The following AKAIN1 variants were observed in gnomAD, a reference collection of about 807,000 sequenced individuals.
The protein encoded by AKAIN1 is A-kinase anchor inhibitor 1.
In AKAIN1, 3 loss-of-function variants were observed where a neutral mutation model predicts 3.7. The ratio of observed to expected loss-of-function variants is 0.82; its 90% CI spans 0.37 to 2.12. AKAIN1 has a LOEUF of 2.12. Among genes scored for constraint, AKAIN1 ranks in the 30% most tolerant of loss-of-function variants. AKAIN1 has a pLI of 0.06. For missense variants in AKAIN1, 82 were observed against 82.7 expected (o/e 0.99, Z 0.03); for synonymous variants, 31 against 30.8 (o/e 1.01, Z -0.02).
At chr18:5,164,304 C>T (rs2071155905) in intron 1 of AKAIN1, among the ~76,000 whole-genome samples, 1 of 151,974 alleles carries the variant, frequency 6.6e-6, no homozygotes, top group South Asian at 2.1e-4. Context: ...CCTTAACAGG[C>T]CAGAATTCAG....
chr18:5,161,550 G>T (rs924385458), intron 1 of AKAIN1, among the ~76,000 whole-genome samples: 2 of 151,760 alleles, frequency 1.3e-5, no homozygotes, highest in African/African-American at 4.8e-5. Context: ...TTTCTATGCT[G>T]GTTGGAGCCT....
At chr18:5,196,920 A>C (rs915304559) in intron 1 of AKAIN1, 118 bp downstream of exon 1, 5 of 936,524 alleles carry the variant, frequency 5.3e-6, no homozygotes, top group Admixed American at 4.1e-5. Flanking sequence ...GAGCACAGAC[A>C]GTAACTCCGA....
Position 5,145,654 on chromosome 18 carries a change from C to T in AKAIN1, c.118G>A (p.Glu40Lys). ...ILQAVQQVSQ[E>K]SQRREERISD... ...ATTCTCTCTTCTCTGCGCTGACTCTCCTGGGAGACTTGCTGCACAGCTTGC... is the reference window on the plus strand; with the variant it reads ...ATTCTCTCTTCTCTGCGCTGACTCTTCTGGGAGACTTGCTGCACAGCTTGC... Residue 40 changes from glutamate to lysine, a missense_variant, in exon 2 of 2, where the codon GAG becomes AAG. Transcript: ENST00000434239. The T allele has an allele frequency of 6.4e-7, 1 of 1,551,694 alleles. No homozygotes were observed. The highest frequency in any genetic ancestry group is 8.7e-7 in the Non-Finnish European group (1 of 1,146,950).
intron 1 of AKAIN1, among the ~76,000 whole-genome samples, chr18:5,184,551 C>T (rs183965940): frequency 2.5e-4 from 38 of 151,864 alleles, no homozygotes; most frequent in African/African-American, 6.8e-4. Context: ...CCAATAACCT[C>T]GAAGCTGAGA....
chr18:5,156,506 T>G (rs2071109221), intron 1 of AKAIN1, among the ~76,000 whole-genome samples: 1 of 152,166 alleles, frequency 6.6e-6, no homozygotes, highest in Admixed American at 6.5e-5. Flanking sequence ...ATAAAATCCT[T>G]TCTACTCTCC....
At chr18:5,181,741 G>T (rs530741599) in intron 1 of AKAIN1, among the ~76,000 whole-genome samples, 1 of 152,198 alleles carries the variant, frequency 6.6e-6, no homozygotes, top group Admixed American at 6.5e-5. Context: ...GTGACTGCAT[G>T]GTTGTTTCAC....
At position 5,143,398 on chromosome 18, in the gene AKAIN1, A is replaced by G. The variant is rs1332267440; in HGVS notation, c.*2164T>C. Among the ~76,000 whole-genome samples, 1 of 152,142 alleles carries G rather than the reference A, an allele frequency of 6.6e-6. No homozygotes were observed. On this transcript the variant is annotated 3_prime_UTR_variant, in exon 2 of 2. Transcript: ENST00000434239. ...TCCTTGCTGTCGATTTTCCATCTCA[A>G]AAATTATGGCAGACACTCTACCTTC... is the stretch of plus-strand genomic sequence containing the variant.
chr18:5,146,651 GC>G (rs2071051062), intron 1 of AKAIN1, among the ~76,000 whole-genome samples: 1 of 152,086 alleles, frequency 6.6e-6, no homozygotes, highest in Non-Finnish European at 1.5e-5. Context: ...ATCAGAACCT[GC>G]CCCCCTCCCC....
intron 1 of AKAIN1, among the ~76,000 whole-genome samples, chr18:5,148,168 T>C (rs2071059869): frequency 1.3e-5 from 2 of 152,184 alleles, no homozygotes; most frequent in African/African-American, 4.8e-5. Flanking sequence ...ACTAAGCTGT[T>C]GTAACTGAGA....
chr18:5,148,973 T>C (rs2071064902), intron 1 of AKAIN1, among the ~76,000 whole-genome samples: 2 of 152,170 alleles, frequency 1.3e-5, no homozygotes, highest in African/African-American at 2.4e-5. Flanking sequence ...CAAGGCTACA[T>C]TGAAAAGGTA....
chr18:5,171,867 A>G (rs2071199694), intron 1 of AKAIN1, among the ~76,000 whole-genome samples: 1 of 152,170 alleles, frequency 6.6e-6, no homozygotes, highest in Admixed American at 6.6e-5. Flanking sequence ...GAAAATCAGT[A>G]TGTTGAAGAG....
intron 1 of AKAIN1, among the ~76,000 whole-genome samples, chr18:5,156,885 G>A (rs1485125790): frequency 6.6e-6 from 1 of 152,132 alleles, no homozygotes; most frequent in Non-Finnish European, 1.5e-5. Context: ...GGCTGTAATG[G>A]GGGTAGGGGA....
intron 1 of AKAIN1, among the ~76,000 whole-genome samples, chr18:5,173,841 C>T (rs145049455): frequency 3.3e-5 from 5 of 152,034 alleles, no homozygotes; most frequent in Non-Finnish European, 7.4e-5. Flanking sequence ...GATCCCCCCT[C>T]GGCCATCTGC....
chr18:5,190,939 G>A (rs2071314909), intron 1 of AKAIN1, among the ~76,000 whole-genome samples: 5 of 152,006 alleles, frequency 3.3e-5, no homozygotes. Context: ...GTTTCAATAT[G>A]TAAATTGGTG....
At chr18:5,183,591 A>G (rs1429284441) in intron 1 of AKAIN1, among the ~76,000 whole-genome samples, 1 of 151,486 alleles carries the variant, frequency 6.6e-6, no homozygotes, top group Non-Finnish European at 1.5e-5. Context: ...TTAAAAAAAA[A>G]CCCAGTGTTG....
At chr18:5,152,939 C>T (rs2071087681) in intron 1 of AKAIN1, among the ~76,000 whole-genome samples, 2 of 152,136 alleles carry the variant, frequency 1.3e-5, no homozygotes, top group African/African-American at 2.4e-5. Flanking sequence ...AGCCATGTTT[C>T]CTCATATCTG....
intron 1 of AKAIN1, among the ~76,000 whole-genome samples, chr18:5,179,316 C>G (rs2071243778): frequency 6.6e-6 from 1 of 151,996 alleles, no homozygotes; most frequent in Non-Finnish European, 1.5e-5. Flanking sequence ...CTTTCTGTTT[C>G]TGAGTTGTTT....
chr18:5,166,834 T>C (rs1470387686), intron 1 of AKAIN1, among the ~76,000 whole-genome samples: 1 of 152,106 alleles, frequency 6.6e-6, no homozygotes, highest in Non-Finnish European at 1.5e-5. Context: ...AGCATCTGTT[T>C]CCTCTTGAAT....
At chr18:5,193,023 C>T (rs2071330466) in intron 1 of AKAIN1, among the ~76,000 whole-genome samples, 1 of 152,070 alleles carries the variant, frequency 6.6e-6, no homozygotes, top group Non-Finnish European at 1.5e-5. Context: ...ACATTGTAAA[C>T]CTCACAGTTA....
Sources: gnomAD v4.1 joint callset for allele counts (sites outside exome capture counted in the v4.1 genomes callset) on GRCh38, gnomAD v4.1.1 for gene constraint, MANE v1.5 for transcripts, NCBI Gene and HGNC (gene_info 2026-07-23, HGNC 2026-07-21) for gene names.